DCDC1: variants seen among roughly 807,000 people sequenced by gnomAD.
DCDC1 encodes the protein doublecortin domain-containing protein 1.
DCDC1 carries 200 observed loss-of-function variants against 178.3 expected under a neutral mutation model. That is an observed-to-expected ratio of 1.12 (90% CI 1.00 to 1.26). The LOEUF (loss-of-function observed/expected upper bound fraction) is 1.26. DCDC1 is among the 50% of genes most tolerant of loss of function. The probability of loss-of-function intolerance (pLI) is 0.00; values close to 1 mark genes in which losing one functional copy is unlikely to be tolerated. For synonymous variants in DCDC1, 690 were observed against 604.8 expected, an observed-to-expected ratio of 1.14 and a Z score of -2.07; for missense variants, 1,983 against 1,749.2, an observed-to-expected ratio of 1.13 and a Z score of -2.38.
intron 9 of DCDC1, among the ~76,000 whole-genome samples, chr11:31,151,411 T>G (rs1334236521): frequency 6.6e-6 from 1 of 152,178 alleles, no homozygotes; most frequent in African/African-American, 2.4e-5. Context: ...GAGCCTTTAA[T>G]CTAGGAGAAT....
chr11:31,048,658 C>A (rs1164669735), intron 20 of DCDC1, among the ~76,000 whole-genome samples: 1 of 151,964 alleles, frequency 6.6e-6, no homozygotes. Context: ...TCGAGACCAT[C>A]CTGGCTAACA....
Position 31,094,093 on chromosome 11 carries a change from G to A in DCDC1, c.2075C>T (p.Pro692Leu), listed in dbSNP as rs368899004. ...SEASSRSQIA[P>L]SILWPVASVW... Reference sequence around the variant, plus strand: ...ACTGGCTACAGGCCACAGGATCGATGGCGCTATTTGACTCCTGCTGCTTGC... The same window carrying A: ...ACTGGCTACAGGCCACAGGATCGATAGCGCTATTTGACTCCTGCTGCTTGC... Residue 692 changes from proline to leucine, a missense_variant, in exon 16 of 39, where the codon CCA becomes CTA. Pro to Leu is a moderately conservative substitution (Grantham distance 98). Coordinates refer to ENST00000684477, the MANE Select transcript of DCDC1 (RefSeq NM_001387274.1). The A allele has an allele frequency of 1.0e-5, 8 of 766,076 alleles. No homozygotes were observed. The African/African-American group carries it at 1.2e-4, about 11-fold the overall frequency. The allele number at this position is 766,076 out of a possible 1,614,324, so 47.5% of individuals were successfully genotyped here.
chr11:30,979,223 A>T (rs1950262447), intron 20 of DCDC1, among the ~76,000 whole-genome samples: 2 of 152,204 alleles, frequency 1.3e-5, no homozygotes, highest in African/African-American at 4.8e-5. Flanking sequence ...CATCTAAGAG[A>T]GAACATGAAA....
At chr11:31,155,004 A>G (rs1042878716) in intron 9 of DCDC1, among the ~76,000 whole-genome samples, 1 of 152,198 alleles carries the variant, frequency 6.6e-6, no homozygotes, top group Non-Finnish European at 1.5e-5. Context: ...TAAACTTGTA[A>G]CTAATATATA....
At chr11:31,137,657 G>C in intron 10 of DCDC1, 35 bp downstream of exon 10, 1 of 699,748 alleles carries the variant, frequency 1.4e-6, no homozygotes. Context: ...CCTCATTGCA[G>C]TTTTAAAATA....
chr11:30,934,216 T>A (rs1947118398), intron 21 of DCDC1, among the ~76,000 whole-genome samples: 1 of 152,178 alleles, frequency 6.6e-6, no homozygotes, highest in Non-Finnish European at 1.5e-5. Flanking sequence ...CTTAAATTTA[T>A]TAGGCGACCC....
At chr11:31,162,036 CA>C (rs1372117705) in intron 9 of DCDC1, among the ~76,000 whole-genome samples, 1 of 151,992 alleles carries the variant, frequency 6.6e-6, no homozygotes, top group African/African-American at 2.4e-5. Context: ...GCCATTTTAA[CA>C]AAAACTTATT....
At chr11:31,131,294 GAGAA>G (rs1391811069) in intron 10 of DCDC1, among the ~76,000 whole-genome samples, 2 of 152,112 alleles carry the variant, frequency 1.3e-5, no homozygotes, top group African/African-American at 4.8e-5. Context: ...AGGGAAGAAA[GAGAA>G]AGAAGATGTG....
chr11:31,172,761 G>A (rs903957448), intron 9 of DCDC1, among the ~76,000 whole-genome samples: 18 of 152,106 alleles, frequency 1.2e-4, no homozygotes, highest in African/African-American at 4.3e-4. Context: ...TCATCATAAA[G>A]ATCTTCATCC....
Position 31,263,244 on chromosome 11 carries a change from G to T in DCDC1, c.1054+2263C>A, listed in dbSNP as rs137924869. Among the ~76,000 whole-genome samples the T allele has an allele frequency of 7.2e-5, 11 of 152,214 alleles. No individual in the cohort carries two copies. In the East Asian group the frequency reaches 2.1e-3, roughly 29 times the overall value. On this transcript the variant is annotated intron_variant, in intron 8 of 38. Coordinates refer to ENST00000684477, the MANE Select transcript of DCDC1 (RefSeq NM_001387274.1). ...TGGAAATAATTCAAGTCTAGATAGGGTATTAAGAAAATATGTTGTTTATTT... is the reference window on the plus strand; with the variant it reads ...TGGAAATAATTCAAGTCTAGATAGGTTATTAAGAAAATATGTTGTTTATTT...
intron 38 of DCDC1, among the ~76,000 whole-genome samples, chr11:30,869,988 T>C (rs768758325): frequency 2.0e-5 from 3 of 152,144 alleles, no homozygotes; most frequent in Non-Finnish European, 4.4e-5. Flanking sequence ...TGGGGGTGTG[T>C]GCAGTGACTA....
chr11:31,022,643 T>TTGTG (rs4067986), intron 20 of DCDC1, among the ~76,000 whole-genome samples: 15,524 of 120,788 alleles, frequency 0.13, 1,031 homozygotes, highest in Admixed American at 0.16. Context: ...GTCTTTTAGT[T>TTGTG]TGTGTGTGTG....
intron 20 of DCDC1, among the ~76,000 whole-genome samples, chr11:31,035,138 T>C (rs1461491459): frequency 1.3e-5 from 2 of 152,236 alleles, no homozygotes; most frequent in Non-Finnish European, 2.9e-5. Flanking sequence ...TATTTGGAGA[T>C]AATTTTAGAC....
intron 34 of DCDC1, among the ~76,000 whole-genome samples, chr11:30,899,082 G>A (rs1944453771): frequency 6.6e-6 from 1 of 151,336 alleles, no homozygotes; most frequent in Non-Finnish European, 1.5e-5. Context: ...ACTGACTTCT[G>A]AAGATTTTAG....
At chr11:31,290,585 C>T (rs1411168990) in intron 7 of DCDC1, 62 bp downstream of exon 7, 3 of 1,467,420 alleles carry the variant, frequency 2.0e-6, no homozygotes, top group South Asian at 2.7e-5. Context: ...GAAAACAACA[C>T]ATTTCAACAG....
chr11:31,310,994 T>C (rs1948738836), intron 3 of DCDC1, among the ~76,000 whole-genome samples: 1 of 152,228 alleles, frequency 6.6e-6, no homozygotes, highest in East Asian at 1.9e-4. Flanking sequence ...TATCTCCTTC[T>C]GTGTCTACCT....
At chr11:30,967,771 A>G (rs1032987963) in intron 20 of DCDC1, among the ~76,000 whole-genome samples, 1 of 152,180 alleles carries the variant, frequency 6.6e-6, no homozygotes, top group Non-Finnish European at 1.5e-5. Flanking sequence ...AAGTCTATAG[A>G]TAGTCTATTA....
chr11:31,175,429 G>A (rs1967873237), intron 9 of DCDC1, among the ~76,000 whole-genome samples: 1 of 152,326 alleles, frequency 6.6e-6, no homozygotes, highest in East Asian at 1.9e-4. Context: ...CTGTATAACA[G>A]GGCAGCTGCT....
At chr11:31,154,370 G>A (rs1965509544) in intron 9 of DCDC1, among the ~76,000 whole-genome samples, 2 of 152,144 alleles carry the variant, frequency 1.3e-5, no homozygotes, top group African/African-American at 4.8e-5. Context: ...TTCCCTCCAG[G>A]AAGCCTGCTC....
Sources: gnomAD v4.1 joint callset for allele counts (sites outside exome capture counted in the v4.1 genomes callset) on GRCh38, gnomAD v4.1.1 for gene constraint, MANE v1.5 for transcripts, NCBI Gene and HGNC (gene_info 2026-07-23, HGNC 2026-07-21) for gene names.